POLA2: variants seen among roughly 807,000 people sequenced by gnomAD.
The protein encoded by POLA2 is DNA polymerase alpha 2, accessory subunit.
POLA2 carries 47 observed loss-of-function variants against 82.8 expected under a neutral mutation model. That is an observed-to-expected ratio of 0.57 (90% CI 0.45 to 0.72). POLA2 has a LOEUF of 0.72. Ranked by LOEUF, POLA2 falls within the 30% of genes least tolerant of loss-of-function variation. The probability of loss-of-function intolerance (pLI) is 0.00; values close to 1 mark genes in which losing one functional copy is unlikely to be tolerated. For synonymous variants in POLA2, 287 were observed against 286.8 expected (o/e 1.00, Z -0.01); for missense variants, 634 against 728.1 (o/e 0.87, Z 1.49).
chr11:65,285,391 G>T (rs1949685626), intron 10 of POLA2, among the ~76,000 whole-genome samples: 1 of 151,296 alleles, frequency 6.6e-6, no homozygotes, highest in African/African-American at 2.4e-5. Context: ...GACAGAGCTA[G>T]ACTCTGTCTC....
intron 13 of POLA2, among the ~76,000 whole-genome samples, chr11:65,290,810 C>G (rs911470102): frequency 6.6e-6 from 1 of 152,222 alleles, no homozygotes. Flanking sequence ...CAGTGAAATC[C>G]TGTGAGACCC....
chr11:65,289,947 C>T lies in POLA2; in HGVS notation c.1244+75C>T, dbSNP rs368586907. The T allele has an allele frequency of 5.3e-4, 541 of 1,012,568 alleles. 8 individuals are homozygous for T. The South Asian group carries it at 6.0e-3, about 11-fold the overall frequency. 62.7% of individuals were successfully genotyped at this position (1,012,568 alleles called of 1,614,324 possible). A position where few individuals can be genotyped will look rare whatever the true frequency, so the allele number is the denominator to read the frequency against. On this transcript the variant is annotated intron_variant, in intron 13 of 17. Coordinates refer to ENST00000265465, the MANE Select transcript of POLA2 (RefSeq NM_002689.4). The stretch of plus-strand genomic sequence containing the variant: ...AGAGCTTCCCATTAAGAAACTGAAA[C>T]TGCTTAAAAGTCGTGGCAGGGCCAG...
chr11:65,286,785 T>C (rs1949702049), intron 10 of POLA2, among the ~76,000 whole-genome samples: 1 of 152,074 alleles, frequency 6.6e-6, no homozygotes, highest in South Asian at 2.1e-4. Flanking sequence ...CCAGGGATCT[T>C]TGGATTTTGT....
At chr11:65,295,798 G>A (rs1949804043) in intron 16 of POLA2, 66 bp from the exon 17 acceptor site, 1 of 1,571,982 alleles carries the variant, frequency 6.4e-7, no homozygotes, top group African/African-American at 1.4e-5. Flanking sequence ...AGTACCTAGG[G>A]GGACTCTGTC....
intron 4 of POLA2, among the ~76,000 whole-genome samples, chr11:65,272,880 A>C (rs1394398415): frequency 1.3e-5 from 2 of 151,116 alleles, no homozygotes; most frequent in Non-Finnish European, 2.9e-5. Flanking sequence ...CGGGCGTGGC[A>C]GCGGGCGCCT....
In POLA2 at chr11:65,262,143, G is replaced by C; in HGVS notation, c.-150G>C. The C allele has an allele frequency of 4.7e-6, 3 of 633,642 alleles. No individual in the cohort carries two copies. 39.3% of individuals were successfully genotyped at this position (633,642 alleles called of 1,614,324 possible). On this transcript the variant is annotated 5_prime_UTR_variant, in exon 1 of 18. Coordinates refer to ENST00000265465, the MANE Select transcript of POLA2 (RefSeq NM_002689.4). ...GGCCGGGGCCTTCTGACGGTCTGAG[G>C]TCTTGCTTGGGCCAGTCACCTCCTG...
chr11:65,295,556 G>C lies in POLA2; in HGVS notation c.1477G>C (p.Asp493His). 6.2e-7 allele frequency: 1 copy of C among 1,614,002 alleles called. No individual in the cohort carries two copies. The highest frequency in any genetic ancestry group is 1.1e-5 in the South Asian group (1 of 91,084). Reference protein sequence around the residue: ...EEISSSSGTSDRFSRILKHIL... With the variant: ...EEISSSSGTSHRFSRILKHIL... ...CTTTCCCAGTTCTTCCGGAACTTCAGACAGATTCAGCCGAATACTCAAGCA... is the reference window on the plus strand; with the variant it reads ...CTTTCCCAGTTCTTCCGGAACTTCACACAGATTCAGCCGAATACTCAAGCA... The change falls in exon 16 of 18, where the codon GAC becomes CAC. Residue 493 changes from aspartate to histidine, a missense_variant. Asp to His is a moderately conservative substitution (Grantham distance 81). Transcript: ENST00000265465.
At chr11:65,287,018 C>T (rs528236225) in intron 10 of POLA2, among the ~76,000 whole-genome samples, 3 of 152,266 alleles carry the variant, frequency 2.0e-5, no homozygotes, top group East Asian at 1.9e-4. Flanking sequence ...CTCCTTGGAT[C>T]GTTCACCTCA....
chr11:65,295,819 G>A (rs561916378), intron 16 of POLA2, 45 bp from the exon 17 acceptor site: 7 of 1,589,598 alleles, frequency 4.4e-6, no homozygotes, highest in South Asian at 2.2e-5. Context: ...TGAGAAGGGG[G>A]CCCCCCGGTC....
intron 5 of POLA2, among the ~76,000 whole-genome samples, chr11:65,276,622 A>T (rs1949582395): frequency 6.6e-6 from 1 of 152,122 alleles, no homozygotes; most frequent in African/African-American, 2.4e-5. Flanking sequence ...AGAATTCCAT[A>T]GGCAAGTGCT....
Position 65,289,030 on chromosome 11 carries a change from CTT to C in POLA2, c.1132-18_1132-17del, listed in dbSNP as rs1015562161. The stretch of plus-strand genomic sequence containing the variant: ...TGATTCTGATTTGTTCTTTTGGTGT[CTT>C]TGTTTCTCCCCTTGCAGTTTGGCCC... On this transcript the variant is annotated intron_variant, in intron 11 of 17. Transcript: ENST00000265465. The C allele has an allele frequency of 4.3e-6, 7 of 1,610,486 alleles. No homozygotes were observed. The highest frequency in any genetic ancestry group is 4.2e-6 in the Non-Finnish European group (5 of 1,177,804).
rs559504763 is a variant in POLA2, at chr11:65,281,853, C to T, written c.963+121C>T. On this transcript the variant is annotated intron_variant, in intron 9 of 17. Coordinates refer to ENST00000265465, the MANE Select transcript of POLA2 (RefSeq NM_002689.4). The stretch of plus-strand genomic sequence containing the variant: ...ATTTATTTGTTAGTCAGTTCTCCAT[C>T]TGTAAGTGGGAACCCACCCCTAGGC... 67 of 809,022 alleles carry T rather than the reference C, an allele frequency of 8.3e-5. No individual in the cohort carries two copies. The East Asian group carries it at 9.7e-4, about 12-fold the overall frequency. The allele number at this position is 809,022 out of a possible 1,614,324, so 50.1% of individuals were successfully genotyped here. A position where few individuals can be genotyped will look rare whatever the true frequency, so the allele number is the denominator to read the frequency against.
intron 12 of POLA2, 135 bp from the exon 13 acceptor site, chr11:65,289,664 A>G (rs1590907176): frequency 1.6e-6 from 1 of 613,838 alleles, no homozygotes; most frequent in Non-Finnish European, 2.9e-6. Flanking sequence ...GACAAAGACC[A>G]TGTCTTTTTC....
intron 12 of POLA2, 64 bp downstream of exon 12, chr11:65,289,152 T>C: frequency 3.1e-6 from 4 of 1,301,960 alleles, no homozygotes; most frequent in Non-Finnish European, 4.4e-6. Context: ...TCACTTTTCA[T>C]TTTTTAGTGT....
intron 1 of POLA2, 106 bp from the exon 2 acceptor site, chr11:65,266,476 A>T (rs1219325333): frequency 8.3e-7 from 1 of 1,204,320 alleles, no homozygotes; most frequent in African/African-American, 1.5e-5. Context: ...GCACTAATAG[A>T]TTCTGAATAA....
chr11:65,288,160 T>G, intron 11 of POLA2, among the ~76,000 whole-genome samples: 1 of 151,992 alleles, frequency 6.6e-6, no homozygotes, highest in African/African-American at 2.4e-5. Flanking sequence ...ACAAAAAAAT[T>G]AGCTGGGCAT....
chr11:65,303,687 C>G (rs1024961174), intron 8 of POLA2, among the ~76,000 whole-genome samples: 2 of 152,166 alleles, frequency 1.3e-5, no homozygotes, highest in Admixed American at 6.5e-5. Flanking sequence ...GTGTCATGTT[C>G]ACTGTTGTCT....
At chr11:65,271,167 C>G (rs927486010) in intron 4 of POLA2, among the ~76,000 whole-genome samples, 33 of 152,184 alleles carry the variant, frequency 2.2e-4, no homozygotes, top group African/African-American at 8.0e-4. Flanking sequence ...GTCGGCCTTC[C>G]CTCCATTAGA....
rs777969830 is a variant in POLA2 at position 65,297,129 on chromosome 11, G to A, written c.1657G>A (p.Gly553Ser). The A allele has an allele frequency of 6.8e-6, 11 of 1,613,838 alleles. No individual in the cohort carries two copies. The East Asian group carries it at 1.3e-4, about 20-fold the overall frequency. ...CTCCTCTCCTCCCCAGGATGTCCTC[G>A]GCTGTGTCTGTGTGAACCCTGGGCG... ...ELRYFVKDVL[G>S]CVCVNPGRLT... Residue 553 changes from glycine to serine, a missense_variant, in exon 18 of 18, where the codon GGC becomes AGC. Transcript: ENST00000265465.
Sources: allele counts gnomAD v4.1 joint callset (sites outside exome capture counted in the v4.1 genomes callset), GRCh38; gene constraint gnomAD v4.1.1; transcripts MANE v1.5; gene names NCBI Gene and HGNC (gene_info 2026-07-23, HGNC 2026-07-21).